The following PCNT variants were observed in gnomAD, a reference collection of about 807,000 sequenced individuals.
PCNT encodes the protein pericentrin.
PCNT carries 319 observed loss-of-function variants against 380.4 expected under a neutral mutation model. The ratio of observed to expected loss-of-function variants is 0.84; its 90% CI spans 0.77 to 0.92. The LOEUF is 0.92. Ranked by LOEUF, PCNT falls within the 40% of genes least tolerant of loss-of-function variation. The probability of loss-of-function intolerance (pLI) is 0.00; values close to 1 mark genes in which losing one functional copy is unlikely to be tolerated. For missense variants in PCNT, 4,400 were observed against 4,255.3 expected (o/e 1.03, Z -0.95); for synonymous variants, 1,845 against 1,735.2 (o/e 1.06, Z -1.57).
chr21:46,366,965 T>C lies in PCNT; in HGVS notation c.2991T>C (p.Phe997=), dbSNP rs767625587. 5 of 1,614,104 alleles carry C rather than the reference T, an allele frequency of 3.1e-6. No individual in the cohort carries two copies. The highest frequency in any genetic ancestry group is 3.4e-6 in the Non-Finnish European group (4 of 1,180,048). Residue 997 remains phenylalanine, a synonymous_variant, in exon 15 of 47, where the codon TTT becomes TTC. Transcript: ENST00000359568. Reference sequence around the variant, plus strand: ...CCCTAGAGCTCTTACGAGCAGACTTTGAGGAACAACTGTGGAAAAAGGACT... The same window carrying C: ...CCCTAGAGCTCTTACGAGCAGACTTCGAGGAACAACTGTGGAAAAAGGACT... ...RQALELLRAD[F]EEQLWKKDSL... is the part of the protein sequence containing the mutation.
intron 11 of PCNT, among the ~76,000 whole-genome samples, chr21:46,354,808 T>C (rs1175091409): frequency 1.3e-5 from 2 of 152,140 alleles, no homozygotes; most frequent in Non-Finnish European, 2.9e-5. Context: ...TGTGTGCCAG[T>C]TTGAGTTCCC....
At position 46,411,631 on chromosome 21, in the gene PCNT, C is replaced by T. The variant is rs757440622; in HGVS notation, c.5558C>T (p.Ala1853Val). Residue 1853 changes from alanine (A) to valine (V), a missense_variant, in exon 28 of 47, where the codon GCC becomes GTC. Coordinates refer to ENST00000359568, the MANE Select transcript of PCNT (RefSeq NM_006031.6). Reference sequence around the variant, plus strand: ...AGGGAGGCTGAGGTCGAAGACATGGCCTCCCGGATCCAGGAGTTCGAAGCG... The same window carrying T: ...AGGGAGGCTGAGGTCGAAGACATGGTCTCCCGGATCCAGGAGTTCGAAGCG... ...ALREAEVEDM[A>V]SRIQEFEAAL... 1.9e-6 allele frequency: 3 copies of T among 1,613,068 alleles called. No homozygotes were observed. Among genetic ancestry groups the T allele is most frequent in the Non-Finnish European group, 1.7e-6 (2 of 1,179,868 alleles).
chr21:46,362,388 A>G (rs2084752155), intron 13 of PCNT, among the ~76,000 whole-genome samples: 1 of 152,174 alleles, frequency 6.6e-6, no homozygotes, highest in South Asian at 2.1e-4. Flanking sequence ...CTGAATGTCC[A>G]GCCCTCTGCA....
At position 46,388,914 on chromosome 21, in the gene PCNT, C is replaced by G. The variant is rs1447137533; in HGVS notation, c.3607+30C>G. ...GTGTGCCGGGACCAGCTGCCCAGCC[C>G]TGTGCTTGCAGCCCCTCTGTGGTCC... On this transcript the variant is annotated intron_variant, in intron 18 of 46. Transcript: ENST00000359568. The surrounding 1 kb of genome is among the most constrained non-coding windows in gnomAD (Gnocchi z 4.2). The G allele has an allele frequency of 1.9e-6, 3 of 1,570,044 alleles. No individual in the cohort carries two copies. The highest frequency in any genetic ancestry group is 2.6e-6 in the Non-Finnish European group (3 of 1,164,104).
intron 13 of PCNT, among the ~76,000 whole-genome samples, chr21:46,358,606 G>A (rs1276045437): frequency 1.3e-5 from 2 of 150,636 alleles, no homozygotes; most frequent in African/African-American, 2.4e-5. Flanking sequence ...ACTTTTTGTT[G>A]TTGTTGTTGT....
At chr21:46,348,661 C>T (rs2084160821) in intron 6 of PCNT, among the ~76,000 whole-genome samples, 1 of 152,192 alleles carries the variant, frequency 6.6e-6, no homozygotes, top group Admixed American at 6.5e-5. Context: ...GCCTCCCAGG[C>T]TGGAGTGCAG....
chr21:46,381,218 GT>G (rs2085527795), intron 15 of PCNT, among the ~76,000 whole-genome samples: 1 of 140,554 alleles, frequency 7.1e-6, no homozygotes, highest in African/African-American at 2.9e-5. Flanking sequence ...GTGTGTGTGT[GT>G]GTGTGTGTGT....
At position 46,432,075 on chromosome 21, in the gene PCNT, T is replaced by C; in HGVS notation, c.8611T>C (p.Leu2871=). 1 of 1,614,004 alleles carries C rather than the reference T, an allele frequency of 6.2e-7. No individual in the cohort carries two copies. The highest frequency in any genetic ancestry group is 8.5e-7 in the Non-Finnish European group (1 of 1,180,008). The change falls in exon 38 of 47, where the codon TTG becomes CTG. Residue 2871 remains leucine (L), a synonymous_variant. Coordinates refer to ENST00000359568, the MANE Select transcript of PCNT (RefSeq NM_006031.6). Reference sequence around the variant, plus strand: ...GAGAGAGAGGGAGAAACCAGCGTGGTTGCAGGCAGAATTAGAGCAGTCACA... The same window carrying C: ...GAGAGAGAGGGAGAAACCAGCGTGGCTGCAGGCAGAATTAGAGCAGTCACA... ...LEREREKPAW[L]QAELEQSHPR...
At chr21:46,399,557 A>G (rs756006304) in intron 24 of PCNT, 33 bp from the exon 25 acceptor site, 9 of 1,500,922 alleles carry the variant, frequency 6.0e-6, no homozygotes, top group Admixed American at 1.7e-5. Context: ...AAAACATTCT[A>G]TTGTATTCCT....
At position 46,441,111 on chromosome 21, in the gene PCNT, C is replaced by T. The variant is rs750636437; in HGVS notation, c.9623+27C>T. The T allele has an allele frequency of 1.0e-5, 14 of 1,402,796 alleles. No homozygotes were observed. The African/African-American group carries it at 1.1e-4, about 11-fold the overall frequency. 86.9% of individuals were successfully genotyped at this position (1,402,796 alleles called of 1,614,324 possible). A position where few individuals can be genotyped will look rare whatever the true frequency, so the allele number is the denominator to read the frequency against. ...TAAATGCCATGACGTTCAGTCAGTG[C>T]GTTCCGCGTCTGTCTCCGTGAGTGG... On this transcript the variant is annotated intron_variant, in intron 43 of 46. Coordinates refer to ENST00000359568, the MANE Select transcript of PCNT (RefSeq NM_006031.6).
In PCNT at chr21:46,423,163, AT is replaced by A. The variant is rs67866533; in HGVS notation, c.7179+1049del. 1.5e-3 allele frequency among the ~76,000 whole-genome samples: 220 copies of A among 146,500 alleles called. 1 individual carries two copies. The highest frequency in any genetic ancestry group is 5.2e-3 in the African/African-American group (207 of 39,536). ...ACTTTCTTAAACATGGAAATTGGAGATTTTTTTTTTAATCAGTTTTTTATAT... is the reference window on the plus strand; with the variant it reads ...ACTTTCTTAAACATGGAAATTGGAGATTTTTTTTTAATCAGTTTTTTATAT... On this transcript the variant is annotated intron_variant, in intron 32 of 46. Transcript: ENST00000359568.
chr21:46,343,575 G>C (rs1273466729), intron 3 of PCNT, among the ~76,000 whole-genome samples: 2 of 152,118 alleles, frequency 1.3e-5, no homozygotes, highest in African/African-American at 4.8e-5. Flanking sequence ...TTGGTCTGTA[G>C]TTTTCTTTTT....
At chr21:46,370,386 T>G (rs1161606075) in intron 15 of PCNT, among the ~76,000 whole-genome samples, 1 of 144,498 alleles carries the variant, frequency 6.9e-6, no homozygotes, top group Non-Finnish European at 1.5e-5. Flanking sequence ...ATTCAGAGCC[T>G]GGGAGGTGCG....
chr21:46,445,392 C>G lies in PCNT; in HGVS notation c.*65C>G. 1 of 1,307,168 alleles carries G rather than the reference C, an allele frequency of 7.7e-7. No individual in the cohort carries two copies. Among genetic ancestry groups the G allele is most frequent in the Admixed American group, 1.7e-5 (1 of 59,666 alleles). The allele number at this position is 1,307,168 out of a possible 1,614,324, so 81.0% of individuals were successfully genotyped here. ...AGGAAAAGATTTGTTTTTCCCTTTTCCCAAGGAAGCTCGTGGGACAGCATG... is the reference window on the plus strand; with the variant it reads ...AGGAAAAGATTTGTTTTTCCCTTTTGCCAAGGAAGCTCGTGGGACAGCATG... On this transcript the variant is annotated 3_prime_UTR_variant, in exon 47 of 47. Transcript: ENST00000359568.
intron 35 of PCNT, among the ~76,000 whole-genome samples, chr21:46,429,044 TG>T (rs1181588892): frequency 1.3e-5 from 2 of 152,200 alleles, no homozygotes; most frequent in African/African-American, 4.8e-5. Context: ...CTCTTAGTTT[TG>T]GGGGCAGGAG....
intron 2 of PCNT, among the ~76,000 whole-genome samples, chr21:46,332,278 C>T (rs1386524395): frequency 6.6e-6 from 1 of 152,182 alleles, no homozygotes; most frequent in East Asian, 1.9e-4. Context: ...AAGTGTGGTT[C>T]TAGCACTTTT....
chr21:46,420,466 C>G (rs1403294691), intron 31 of PCNT: 1 of 152,234 alleles, frequency 6.6e-6, no homozygotes, highest in Admixed American at 6.5e-5. Flanking sequence ...TCTCCTTTAG[C>G]TTTAGCTCCT....
At chr21:46,334,901 G>A (rs1251491134) in intron 3 of PCNT, 133 bp downstream of exon 3, 1 of 1,427,492 alleles carries the variant, frequency 7.0e-7, no homozygotes. Flanking sequence ...GAAGCATAGA[G>A]AGCTGGAGGC....
intron 31 of PCNT, among the ~76,000 whole-genome samples, chr21:46,420,235 T>C (rs564885399): frequency 1.3e-5 from 2 of 152,344 alleles, no homozygotes; most frequent in South Asian, 2.1e-4. Context: ...ACGTATCCTA[T>C]GATTTTCTCT....
Sources: gnomAD v4.1 joint callset for allele counts (sites outside exome capture counted in the v4.1 genomes callset) on GRCh38, gnomAD v4.1.1 for gene constraint, Gnocchi (gnomAD v3.1) non-coding constraint, MANE v1.5 for transcripts, NCBI Gene and HGNC (gene_info 2026-07-23, HGNC 2026-07-21) for gene names.